The following CACHD1 variants were observed in gnomAD, a reference collection of about 807,000 sequenced individuals.
The protein encoded by CACHD1 is cache domain containing 1.
CACHD1 carries 71 observed loss-of-function variants against 138.7 expected under a neutral mutation model. The ratio of observed to expected loss-of-function variants is 0.51; its 90% confidence interval spans 0.42 to 0.62. The LOEUF (loss-of-function observed/expected upper bound fraction) is 0.62, where lower values mean the gene tolerates loss of function less well. Ranked by LOEUF, CACHD1 falls within the 20% of genes least tolerant of loss-of-function variation. The pLI is 0.00. For missense variants in CACHD1, 1,389 were observed against 1,625.3 expected, an observed-to-expected ratio of 0.85 and a Z score of 2.50; for synonymous variants, 578 against 591.5, an observed-to-expected ratio of 0.98 and a Z score of 0.33.
Position 64,564,343 on chromosome 1 carries a change from G to A in CACHD1, c.261+13687G>A, listed in dbSNP as rs148990816. ...TATAACAAGACAACCTTTATTCCCCGTGCATTTCTTCCCCTCACCCTCCCA... is the reference window on the plus strand; with the variant it reads ...TATAACAAGACAACCTTTATTCCCCATGCATTTCTTCCCCTCACCCTCCCA... On this transcript the variant is annotated intron_variant, in intron 2 of 26. Coordinates refer to ENST00000651257, the MANE Select transcript of CACHD1 (RefSeq NM_020925.4). 2.3e-4 allele frequency among the ~76,000 whole-genome samples: 35 copies of A among 151,968 alleles called. No individual in the cohort carries two copies. In the East Asian group the frequency reaches 4.8e-3, roughly 21 times the overall value.
In CACHD1 at chr1:64,483,801, T is replaced by C. The variant is rs974572052; in HGVS notation, c.198+12859T>C. The stretch of plus-strand genomic sequence containing the variant: ...CTGACTCAGTAAAATCCTGAATTAC[T>C]GGTGGCCTTCACAGCTGTATGTGAT... On this transcript the variant is annotated intron_variant, in intron 1 of 26. Coordinates refer to ENST00000651257, the MANE Select transcript of CACHD1 (RefSeq NM_020925.4). Among the ~76,000 whole-genome samples, 4 of 152,102 alleles carry C rather than the reference T, an allele frequency of 2.6e-5. No homozygotes were observed. The East Asian group carries it at 7.7e-4, about 29-fold the overall frequency.
chr1:64,643,230 A>G (rs1032430944), intron 8 of CACHD1, among the ~76,000 whole-genome samples: 3 of 151,922 alleles, frequency 2.0e-5, no homozygotes, highest in African/African-American at 7.3e-5. Flanking sequence ...GCAGATTTCC[A>G]GGCATTGCTC....
rs546331489 is a variant in CACHD1, at chr1:64,662,569, G to A, written c.1952-1126G>A. Among the ~76,000 whole-genome samples the A allele has an allele frequency of 5.3e-5, 8 of 152,298 alleles. No individual in the cohort carries two copies. In the South Asian group the frequency reaches 1.0e-3, roughly 20 times the overall value. On this transcript the variant is annotated intron_variant, in intron 13 of 26. Coordinates refer to ENST00000651257, the MANE Select transcript of CACHD1 (RefSeq NM_020925.4). The stretch of plus-strand genomic sequence containing the variant: ...AGGCTACCAGGAGACAAGACATGAC[G>A]TGTGAGAACTAACAAAAGGAGTAGA...
intron 1 of CACHD1, among the ~76,000 whole-genome samples, chr1:64,530,837 C>T (rs557852134): frequency 2.7e-4 from 40 of 150,362 alleles, no homozygotes; most frequent in South Asian, 2.5e-3. Context: ...CACCACTGCA[C>T]TCCAGCCTGG....
chr1:64,660,392 G>A (rs1432663320), intron 13 of CACHD1, among the ~76,000 whole-genome samples: 1 of 152,074 alleles, frequency 6.6e-6, no homozygotes, highest in East Asian at 1.9e-4. Context: ...AAATTGAGGT[G>A]TATGGTAAGT....
At chr1:64,569,897 G>C (rs1646913450) in intron 2 of CACHD1, among the ~76,000 whole-genome samples, 1 of 152,082 alleles carries the variant, frequency 6.6e-6, no homozygotes, top group Non-Finnish European at 1.5e-5. Context: ...ACTAAAAATG[G>C]AAACAAGTAA....
At chr1:64,585,979 C>T (rs1311563805) in intron 3 of CACHD1, among the ~76,000 whole-genome samples, 1 of 151,568 alleles carries the variant, frequency 6.6e-6, no homozygotes, top group African/African-American at 2.4e-5. Flanking sequence ...CTCAGCTAGC[C>T]ACCTTTGTTC....
chr1:64,682,115 T>TA lies in CACHD1; in HGVS notation c.3586+10dup. The TA allele has an allele frequency of 6.2e-7, 1 of 1,612,754 alleles. No individual in the cohort carries two copies. Among genetic ancestry groups the TA allele is most frequent in the African/African-American group, 1.3e-5 (1 of 75,016 alleles). ...AACAGAAAGTGATCATGGTAAGGTCTAGCTTCCTGCATTTGAAGACCCAAG... is the reference window on the plus strand; with the variant it reads ...AACAGAAAGTGATCATGGTAAGGTCTAAGCTTCCTGCATTTGAAGACCCAAG... On this transcript the variant is annotated intron_variant, in intron 26 of 26. Coordinates refer to ENST00000651257, the MANE Select transcript of CACHD1 (RefSeq NM_020925.4).
At chr1:64,545,635 C>T (rs1646712532) in intron 1 of CACHD1, among the ~76,000 whole-genome samples, 1 of 152,188 alleles carries the variant, frequency 6.6e-6, no homozygotes, top group Non-Finnish European at 1.5e-5. Flanking sequence ...TAGGTAGGTG[C>T]TACTACGAGT....
intron 3 of CACHD1, among the ~76,000 whole-genome samples, chr1:64,597,714 G>A (rs889040578): frequency 3.3e-5 from 5 of 151,734 alleles, no homozygotes; most frequent in Admixed American, 6.6e-5. Flanking sequence ...TAAAAGCACA[G>A]GCATGAGGAA....
At chr1:64,476,534 A>T (rs1646175642) in intron 1 of CACHD1, among the ~76,000 whole-genome samples, 1 of 152,258 alleles carries the variant, frequency 6.6e-6, no homozygotes, top group African/African-American at 2.4e-5. Flanking sequence ...GTACCATATA[A>T]GCCTTAGTGG....
At chr1:64,472,867 C>A (rs891042202) in intron 1 of CACHD1, among the ~76,000 whole-genome samples, 7 of 151,980 alleles carry the variant, frequency 4.6e-5, no homozygotes, top group East Asian at 3.9e-4. Flanking sequence ...CCCGCCCCCC[C>A]ACGCCTTTTC....
intron 4 of CACHD1, among the ~76,000 whole-genome samples, chr1:64,605,645 G>T (rs1034540862): frequency 1.3e-5 from 2 of 152,120 alleles, no homozygotes; most frequent in African/African-American, 2.4e-5. Context: ...CAGACTGAGT[G>T]GGGGGTGTGC....
intron 8 of CACHD1, among the ~76,000 whole-genome samples, chr1:64,644,003 T>C (rs528643289): frequency 1.3e-5 from 2 of 152,354 alleles, no homozygotes; most frequent in East Asian, 3.9e-4. Flanking sequence ...TGTCTCCCAT[T>C]ATACTATAGT....
At chr1:64,689,869 GA>G (rs1410055660) in intron 26 of CACHD1, among the ~76,000 whole-genome samples, 2 of 152,150 alleles carry the variant, frequency 1.3e-5, no homozygotes, top group African/African-American at 4.8e-5. Context: ...GGCAGAATTA[GA>G]TATTCCCTCT....
chr1:64,686,268 A>G (rs1411633452), intron 26 of CACHD1, among the ~76,000 whole-genome samples: 1 of 152,222 alleles, frequency 6.6e-6, no homozygotes, highest in Non-Finnish European at 1.5e-5. Flanking sequence ...ATACATGACT[A>G]CACAACGGCC....
At chr1:64,519,750 A>G (rs551907798) in intron 1 of CACHD1, among the ~76,000 whole-genome samples, 1 of 34,692 alleles carries the variant, frequency 2.9e-5, no homozygotes, top group African/African-American at 4.3e-5. Context: ...CTTTTAAAAA[A>G]TAAAATATTG....
intron 2 of CACHD1, among the ~76,000 whole-genome samples, chr1:64,558,005 G>A (rs902528896): frequency 6.6e-6 from 1 of 151,876 alleles, no homozygotes; most frequent in Non-Finnish European, 1.5e-5. Flanking sequence ...CACCATGTTG[G>A]CCAGGCTTTT....
At chr1:64,552,480 T>C (rs1646766523) in intron 2 of CACHD1, among the ~76,000 whole-genome samples, 1 of 151,118 alleles carries the variant, frequency 6.6e-6, no homozygotes, top group Non-Finnish European at 1.5e-5. Flanking sequence ...TGTTTTTTTT[T>C]TTTTTTTGAG....
Sources: gnomAD v4.1 joint callset for allele counts (sites outside exome capture counted in the v4.1 genomes callset) on GRCh38, gnomAD v4.1.1 for gene constraint, MANE v1.5 for transcripts, NCBI Gene and HGNC (gene_info 2026-07-23, HGNC 2026-07-21) for gene names.